TNFSF18: variants seen among roughly 807,000 people sequenced by gnomAD.
TNFSF18 encodes TNF superfamily member 18.
A neutral mutation model predicts 9.6 loss-of-function variants in TNFSF18; 6 were observed. That is an observed-to-expected ratio of 0.63 (90% CI 0.34 to 1.24). The LOEUF (loss-of-function observed/expected upper bound fraction) is 1.24, where lower values mean the gene tolerates loss of function less well. Among genes scored for constraint, TNFSF18 ranks in the 50% most tolerant of loss-of-function variants. The probability of loss-of-function intolerance (pLI) is 0.03; values close to 1 mark genes in which losing one functional copy is unlikely to be tolerated. For missense variants in TNFSF18, 210 were observed against 201.0 expected, an observed-to-expected ratio of 1.04 and a Z score of -0.27; for synonymous variants, 68 against 71.7, an observed-to-expected ratio of 0.95 and a Z score of 0.26.
chr1:173,050,140 A>C (rs1297507410), intron 1 of TNFSF18, among the ~76,000 whole-genome samples: 1 of 152,208 alleles, frequency 6.6e-6, no homozygotes, highest in African/African-American at 2.4e-5. Context: ...TAGAAGAAAC[A>C]TCATAATAAA....
At chr1:173,048,278 G>T (rs1395082601) in intron 1 of TNFSF18, among the ~76,000 whole-genome samples, 1 of 152,126 alleles carries the variant, frequency 6.6e-6, no homozygotes, top group African/African-American at 2.4e-5. Flanking sequence ...ACACATATGG[G>T]TTCGTTATTT....
chr1:173,045,823 C>G (rs542159556), intron 1 of TNFSF18, among the ~76,000 whole-genome samples: 1 of 152,218 alleles, frequency 6.6e-6, no homozygotes, highest in East Asian at 1.9e-4. Context: ...TCATAGATGG[C>G]TTGGATAGAT....
chr1:173,046,383 A>T (rs1373161819), intron 1 of TNFSF18, among the ~76,000 whole-genome samples: 1 of 152,160 alleles, frequency 6.6e-6, no homozygotes, highest in African/African-American at 2.4e-5. Context: ...GTGGTATGAC[A>T]TGATAAGAAT....
In TNFSF18 at chr1:173,040,630, A is replaced by T. The variant is rs1664974161; in HGVS notation, c.*737T>A. On this transcript the variant is annotated 3_prime_UTR_variant, in exon 3 of 3. Transcript: ENST00000404377. ...TACCATTCTGGGGTTAAACCTAATGATTACTAATGGTTACTCTTTCTTTAC... is the reference window on the plus strand; with the variant it reads ...TACCATTCTGGGGTTAAACCTAATGTTTACTAATGGTTACTCTTTCTTTAC... 6.6e-6 allele frequency: 1 copy of T among 152,176 alleles called. No homozygotes were observed. Among genetic ancestry groups the T allele is most frequent in the South Asian group, 2.1e-4 (1 of 4,832 alleles). The allele number at this position is 152,176 out of a possible 1,614,324, so 9.4% of individuals were successfully genotyped here. A position where few individuals can be genotyped will look rare whatever the true frequency, so the allele number is the denominator to read the frequency against.
At chr1:173,045,257 T>C (rs1331353014) in intron 1 of TNFSF18, among the ~76,000 whole-genome samples, 1 of 152,010 alleles carries the variant, frequency 6.6e-6, no homozygotes, top group African/African-American at 2.4e-5. Flanking sequence ...TTGTGATGTT[T>C]AGAGGTCGGA....
chr1:173,044,255 AC>A (rs34959339), intron 1 of TNFSF18, among the ~76,000 whole-genome samples: 406 of 140,824 alleles, frequency 2.9e-3, no homozygotes, highest in Admixed American at 9.5e-3. Flanking sequence ...TTGATATCGG[AC>A]CCCCCCCCCA....
In TNFSF18 at chr1:173,041,671, G is replaced by A. The variant is rs149480786; in HGVS notation, c.230C>T (p.Pro77Leu). Residue 77 changes from proline (P) to leucine (L), a missense_variant, in exon 3 of 3, where the codon CCT becomes CTT. Physicochemically the swap from Pro to Leu is moderately conservative, Grantham distance 98 (BLOSUM62 -3). Transcript: ENST00000404377. Reference sequence around the variant, plus strand: ...CCAGTCAGACACCTTATTCACGCAAGGAGGTTCAGAAGATGCCATTTGCCA... The same window carrying A: ...CCAGTCAGACACCTTATTCACGCAAAGAGGTTCAGAAGATGCCATTTGCCA... ...SKWQMASSEP[P>L]CVNKVSDWKL... The A allele has an allele frequency of 2.0e-4, 315 of 1,612,528 alleles. No individual in the cohort carries two copies. The highest frequency in any genetic ancestry group is 2.6e-4 in the Non-Finnish European group (303 of 1,179,204).
chr1:173,042,462 A>T (rs768163595), intron 2 of TNFSF18, among the ~76,000 whole-genome samples: 1 of 152,080 alleles, frequency 6.6e-6, no homozygotes, highest in African/African-American at 2.4e-5. Flanking sequence ...TGTTCTCCTC[A>T]GTTTGTAGGT....
At chr1:173,046,812 T>C (rs1313852001) in intron 1 of TNFSF18, among the ~76,000 whole-genome samples, 1 of 151,846 alleles carries the variant, frequency 6.6e-6, no homozygotes, top group African/African-American at 2.4e-5. Flanking sequence ...GAAAGGGAGG[T>C]GCAATTAAAA....
chr1:173,049,123 T>A (rs723858), intron 1 of TNFSF18, among the ~76,000 whole-genome samples: 30,871 of 152,094 alleles, frequency 0.2, 4,785 homozygotes, highest in East Asian at 0.75. Flanking sequence ...CTCAAACACA[T>A]GGGATTAATC....
chr1:173,044,077 A>G, intron 1 of TNFSF18, 108 bp from the exon 2 acceptor site: 1 of 1,036,786 alleles, frequency 9.6e-7, no homozygotes, highest in Non-Finnish European at 1.5e-6. Flanking sequence ...AGTGTTCTAT[A>G]ACCATAAAAA....
intron 1 of TNFSF18, among the ~76,000 whole-genome samples, chr1:173,046,004 T>C (rs967494525): frequency 1.3e-5 from 2 of 152,130 alleles, no homozygotes; most frequent in Admixed American, 1.3e-4. Context: ...ATTAGATGTT[T>C]GAAGAGAAGC....
intron 1 of TNFSF18, among the ~76,000 whole-genome samples, chr1:173,046,344 C>A (rs1665083004): frequency 6.6e-6 from 1 of 151,978 alleles, no homozygotes; most frequent in Non-Finnish European, 1.5e-5. Context: ...AGAGAGGCAT[C>A]CATCATTGAA....
chr1:173,044,046 T>C (rs1665033347), intron 1 of TNFSF18, 77 bp from the exon 2 acceptor site: 2 of 1,345,782 alleles, frequency 1.5e-6, no homozygotes, highest in South Asian at 2.3e-5. Flanking sequence ...TATTTAGAGC[T>C]TTGAATTCCT....
At chr1:173,048,157 A>G (rs571260279) in intron 1 of TNFSF18, among the ~76,000 whole-genome samples, 95 of 152,254 alleles carry the variant, frequency 6.2e-4, no homozygotes, top group African/African-American at 2.2e-3. Flanking sequence ...CAAGAATGAG[A>G]TCTACACCCA....
chr1:173,044,253 G>A (rs574551035), intron 1 of TNFSF18, among the ~76,000 whole-genome samples: 4 of 129,044 alleles, frequency 3.1e-5, no homozygotes, highest in Non-Finnish European at 6.6e-5. Context: ...ATTTGATATC[G>A]GACCCCCCCC....
intron 1 of TNFSF18, 135 bp from the exon 2 acceptor site, chr1:173,044,104 C>T: frequency 1.2e-6 from 1 of 813,462 alleles, no homozygotes; most frequent in South Asian, 1.5e-5. Context: ...TTCCCTTCAC[C>T]ATGTCTCAGC....
Position 173,041,552 on chromosome 1 carries a change from G to A in TNFSF18, c.349C>T (p.Leu117=), listed in dbSNP as rs773236899. Reference sequence around the variant, plus strand: ...TGTATCATGTCTTTGTTTTTATACAGCCGCACCTCAAAAGGAGCTACATCA... The same window carrying A: ...TGTATCATGTCTTTGTTTTTATACAACCGCACCTCAAAAGGAGCTACATCA... ...YNDVAPFEVR[L]YKNKDMIQTL... Residue 117 remains leucine (L), a synonymous_variant, in exon 3 of 3, where the codon CTG becomes TTG. Coordinates refer to ENST00000404377, the MANE Select transcript of TNFSF18 (RefSeq NM_005092.4). 6.8e-6 allele frequency: 11 copies of A among 1,613,450 alleles called. No homozygotes were observed. Among genetic ancestry groups the A allele is most frequent in the Non-Finnish European group, 9.3e-6 (11 of 1,179,594 alleles).
In TNFSF18 at chr1:173,050,939, G is replaced by T; in HGVS notation, c.-43C>A. The T allele has an allele frequency of 1.2e-6, 2 of 1,613,580 alleles. No individual in the cohort carries two copies. Among genetic ancestry groups the T allele is most frequent in the South Asian group, 2.2e-5 (2 of 91,038 alleles). On this transcript the variant is annotated 5_prime_UTR_variant, in exon 1 of 3. Transcript: ENST00000404377. ...CTGTGGAAAACAAAAATTCACAAGTGATGGGTGAAGGATGCAATGTCATGT... is the reference window on the plus strand; with the variant it reads ...CTGTGGAAAACAAAAATTCACAAGTTATGGGTGAAGGATGCAATGTCATGT...
Sources: gnomAD v4.1 joint callset for allele counts (sites outside exome capture counted in the v4.1 genomes callset) on GRCh38, gnomAD v4.1.1 for gene constraint, MANE v1.5 for transcripts, NCBI Gene and HGNC (gene_info 2026-07-23, HGNC 2026-07-21) for gene names.